The following ZNF148 variants were observed in gnomAD, a reference collection of about 807,000 sequenced individuals.
The protein encoded by ZNF148 is Beta-Enolase Repressor Factor-1.
In ZNF148, 7 loss-of-function variants were observed where a neutral mutation model predicts 67.7. That is an observed-to-expected ratio of 0.10 (90% CI 0.06 to 0.19). The LOEUF is 0.19. Ranked by LOEUF, ZNF148 falls within the 10% of genes least tolerant of loss-of-function variation. The pLI is 1.00. For missense variants in ZNF148, 583 were observed against 947.1 expected (o/e 0.62, Z 5.05); for synonymous variants, 333 against 330.7 (o/e 1.01, Z -0.08).
At position 125,226,281 on chromosome 3, in the gene ZNF148, A is replaced by G. The variant is rs937977539; in HGVS notation, c.*6060T>C. ...CAGAAATTCTTTTCTCTTTACGGTT[A>G]TATCTATGCACCATGATTTTTGCAT... On this transcript the variant is annotated 3_prime_UTR_variant, in exon 9 of 9. Transcript: ENST00000360647. 15 of 152,658 alleles carry G rather than the reference A, an allele frequency of 9.8e-5. No homozygotes were observed. The highest frequency in any genetic ancestry group is 6.2e-4 in the South Asian group (3 of 4,828). The allele number at this position is 152,658 out of a possible 1,614,324, so 9.5% of individuals were successfully genotyped here.
intron 1 of ZNF148, among the ~76,000 whole-genome samples, chr3:125,354,132 GTT>G (rs1249157972): frequency 6.6e-6 from 1 of 151,786 alleles, no homozygotes; most frequent in Non-Finnish European, 1.5e-5. Flanking sequence ...TGCATTTTAA[GTT>G]TTTTCTATTA....
At chr3:125,269,386 A>C (rs547695351) in intron 7 of ZNF148, among the ~76,000 whole-genome samples, 1 of 152,040 alleles carries the variant, frequency 6.6e-6, no homozygotes, top group African/African-American at 2.4e-5. Context: ...CTTTAAAAAA[A>C]AAAATGAACA....
At chr3:125,340,987 CAAAAAAAAAAA>C (rs934719609) in intron 1 of ZNF148, among the ~76,000 whole-genome samples, 10 of 12,168 alleles carry the variant, frequency 8.2e-4, no homozygotes, top group South Asian at 3.9e-3. Context: ...GACTCCGGCT[CAAAAAAAAAAA>C]AAAAAAAAAA....
intron 3 of ZNF148, among the ~76,000 whole-genome samples, chr3:125,319,746 T>C (rs187892275): frequency 6.6e-6 from 1 of 152,318 alleles, no homozygotes; most frequent in East Asian, 1.9e-4. Context: ...CATATCCCCA[T>C]TTAACAGACA....
intron 1 of ZNF148, among the ~76,000 whole-genome samples, chr3:125,371,191 A>C (rs1482132866): frequency 7.5e-6 from 1 of 133,754 alleles, no homozygotes; most frequent in Non-Finnish European, 1.7e-5. Context: ...CGTCTCTATA[A>C]AAAATACAAA....
intron 1 of ZNF148, among the ~76,000 whole-genome samples, chr3:125,372,950 G>A (rs1371586684): frequency 6.6e-6 from 1 of 152,048 alleles, no homozygotes; most frequent in East Asian, 1.9e-4. Context: ...TGGGCAACAA[G>A]AGTGAAACTC....
At chr3:125,252,749 A>G (rs941560664) in intron 7 of ZNF148, among the ~76,000 whole-genome samples, 5 of 145,278 alleles carry the variant, frequency 3.4e-5, no homozygotes, top group Non-Finnish European at 6.0e-5. Context: ...GCCTGGCGAC[A>G]GAGCAAGACT....
intron 4 of ZNF148, among the ~76,000 whole-genome samples, chr3:125,310,042 A>G (rs1201812123): frequency 6.6e-6 from 1 of 151,936 alleles, no homozygotes; most frequent in Non-Finnish European, 1.5e-5. Flanking sequence ...GATATTAAAC[A>G]ACACACTTCT....
chr3:125,298,533 TAAATG>T (rs1246219031), intron 4 of ZNF148, among the ~76,000 whole-genome samples: 6 of 152,066 alleles, frequency 3.9e-5, no homozygotes, highest in African/African-American at 1.4e-4. Context: ...GATGCGTCAT[TAAATG>T]AATAATGTAA....
At chr3:125,280,539 G>C (rs1938321768) in intron 5 of ZNF148, among the ~76,000 whole-genome samples, 2 of 151,770 alleles carry the variant, frequency 1.3e-5, no homozygotes, top group Non-Finnish European at 2.9e-5. Flanking sequence ...AAATTAGCCA[G>C]GTGTGGTGGC....
intron 4 of ZNF148, among the ~76,000 whole-genome samples, chr3:125,288,482 G>T (rs550411471): frequency 3.3e-5 from 5 of 151,212 alleles, no homozygotes; most frequent in African/African-American, 9.7e-5. Context: ...GATCAAAGAC[G>T]TCCTGGGAAA....
chr3:125,318,505 G>GA (rs397806155), intron 3 of ZNF148, among the ~76,000 whole-genome samples: 22 of 150,142 alleles, frequency 1.5e-4, no homozygotes, highest in African/African-American at 4.2e-4. Flanking sequence ...ATTTGGAAGG[G>GA]AAAAAAAAAC....
intron 1 of ZNF148, among the ~76,000 whole-genome samples, chr3:125,358,379 A>G (rs947184542): frequency 5.3e-5 from 8 of 152,200 alleles, no homozygotes; most frequent in Non-Finnish European, 1.0e-4. Flanking sequence ...TTAGCTATTC[A>G]AAATCTCTCC....
At chr3:125,306,165 T>C (rs1939865350) in intron 4 of ZNF148, among the ~76,000 whole-genome samples, 1 of 152,176 alleles carries the variant, frequency 6.6e-6, no homozygotes, top group Non-Finnish European at 1.5e-5. Context: ...AAAGCTATGC[T>C]GAGAAAAAAG....
chr3:125,246,225 T>C (rs1268003892), intron 7 of ZNF148, among the ~76,000 whole-genome samples: 2 of 152,178 alleles, frequency 1.3e-5, no homozygotes, highest in Admixed American at 1.3e-4. Context: ...AAAATAATGA[T>C]GAGACTATGA....
At chr3:125,243,690 T>C (rs925515705) in intron 7 of ZNF148, among the ~76,000 whole-genome samples, 2 of 152,084 alleles carry the variant, frequency 1.3e-5, no homozygotes, top group Admixed American at 6.5e-5. Context: ...GCCCAGCTAA[T>C]TAAGAAAATT....
intron 7 of ZNF148, among the ~76,000 whole-genome samples, chr3:125,239,611 C>T (rs1936252706): frequency 1.3e-5 from 2 of 152,114 alleles, no homozygotes; most frequent in African/African-American, 2.4e-5. Context: ...AACAGTTTTG[C>T]AGACCATGAA....
intron 3 of ZNF148, among the ~76,000 whole-genome samples, chr3:125,314,232 T>G (rs1310369486): frequency 6.6e-6 from 1 of 152,160 alleles, no homozygotes; most frequent in Non-Finnish European, 1.5e-5. Flanking sequence ...AAAGTATGTA[T>G]TAGATCAACT....
chr3:125,240,529 T>G (rs1304681242), intron 7 of ZNF148, among the ~76,000 whole-genome samples: 2 of 152,122 alleles, frequency 1.3e-5, no homozygotes, highest in Non-Finnish European at 2.9e-5. Context: ...TTCGAGAGGT[T>G]CAGGCGGGAG....
Sources: gnomAD v4.1 joint callset for allele counts (sites outside exome capture counted in the v4.1 genomes callset) on GRCh38, gnomAD v4.1.1 for gene constraint, MANE v1.5 for transcripts, NCBI Gene and HGNC (gene_info 2026-07-23, HGNC 2026-07-21) for gene names.